TENT5D: variants seen among roughly 807,000 people sequenced by gnomAD.
TENT5D encodes the protein cancer/testis antigen 112.
For missense variants in TENT5D, 191 were observed against 287.0 expected, an observed-to-expected ratio of 0.67 and a Z score of 2.42; for synonymous variants, 103 against 100.6, an observed-to-expected ratio of 1.02 and a Z score of -0.15.
At chrX:80,406,340 T>G (rs1437883452) in intron 3 of TENT5D, among the ~76,000 whole-genome samples, 1 of 106,876 alleles carries the variant, frequency 9.4e-6, no homozygotes, top group Non-Finnish European at 1.9e-5. Context: ...GCAAAGAAGT[T>G]GAAAACTTTG....
intron 3 of TENT5D, among the ~76,000 whole-genome samples, chrX:80,412,418 G>A (rs1931689793): frequency 8.9e-6 from 1 of 112,525 alleles, no homozygotes; most frequent in Admixed American, 9.4e-5. Context: ...TTCTGCAGCC[G>A]GCCTGAATTT....
intron 3 of TENT5D, among the ~76,000 whole-genome samples, chrX:80,357,893 C>T (rs996895479): frequency 2.7e-5 from 3 of 111,695 alleles, no homozygotes; most frequent in East Asian, 5.6e-4. Context: ...CTGGAGGCAT[C>T]ACGCTACCTG....
intron 3 of TENT5D, among the ~76,000 whole-genome samples, chrX:80,404,244 AAAG>A (rs1163220382): frequency 8.9e-6 from 1 of 112,268 alleles, no homozygotes; most frequent in African/African-American, 3.2e-5. Context: ...GATTTCAAAA[AAAG>A]ACAGAAACCT....
At position 80,396,071 on chromosome X, in the gene TENT5D, C is replaced by T. The variant is rs1931234156; in HGVS notation, c.-141-42539C>T. The stretch of plus-strand genomic sequence containing the variant: ...AATAGCATTCCATTGAGTATATATA[C>T]CACACTTTCTTTATTCATCAGTTAT... On this transcript the variant is annotated intron_variant, in intron 3 of 4. Transcript: ENST00000538312. Among the ~76,000 whole-genome samples, 3 of 109,427 alleles carry T rather than the reference C, an allele frequency of 2.7e-5. No individual in the cohort carries two copies. The South Asian group carries it at 1.2e-3, about 44-fold the overall frequency.
upstream of TENT5D, among the ~76,000 whole-genome samples, chrX:80,416,671 A>G (rs1931785438): frequency 9.3e-6 from 1 of 107,833 alleles, no homozygotes; most frequent in Non-Finnish European, 1.9e-5. Context: ...GTTGGTATGA[A>G]TTTTTCTTTC....
At chrX:80,407,204 A>C (rs1185766341) in intron 3 of TENT5D, among the ~76,000 whole-genome samples, 2 of 109,624 alleles carry the variant, frequency 1.8e-5, no homozygotes, top group Admixed American at 1.9e-4. Context: ...AACGAGCAAA[A>C]TAACCAGCTA....
intron 1 of TENT5D, among the ~76,000 whole-genome samples, chrX:80,421,260 A>C (rs1205531854): frequency 9.0e-6 from 1 of 111,571 alleles, no homozygotes; most frequent in Non-Finnish European, 1.9e-5. Context: ...ATCTCGGCTC[A>C]CTGCAATCTC....
intron 3 of TENT5D, among the ~76,000 whole-genome samples, chrX:80,400,972 T>C (rs1332516539): frequency 8.9e-6 from 1 of 111,975 alleles, no homozygotes; most frequent in Non-Finnish European, 1.9e-5. Context: ...GGACTTTTTA[T>C]AGTGATTGCA....
intron 3 of TENT5D, among the ~76,000 whole-genome samples, chrX:80,404,940 G>A (rs959417345): frequency 8.9e-6 from 1 of 111,895 alleles, no homozygotes; most frequent in African/African-American, 3.2e-5. Context: ...ACATAAATCT[G>A]TTAGGCCAGG....
chrX:80,408,676 G>A (rs1315380930), intron 3 of TENT5D, among the ~76,000 whole-genome samples: 1 of 111,034 alleles, frequency 9.0e-6, no homozygotes, highest in African/African-American at 3.3e-5. Context: ...GGTAGAAGGA[G>A]GAACTGGTAC....
intron 3 of TENT5D, among the ~76,000 whole-genome samples, chrX:80,376,704 T>A (rs2147528959): frequency 9.0e-6 from 1 of 111,675 alleles, no homozygotes; most frequent in Admixed American, 9.6e-5. Context: ...TAAAATTTAA[T>A]CTTATATTCT....
At chrX:80,381,485 T>A (rs1470765027) in intron 3 of TENT5D, among the ~76,000 whole-genome samples, 1 of 111,645 alleles carries the variant, frequency 9.0e-6, no homozygotes, top group Non-Finnish European at 1.9e-5. Flanking sequence ...CTGTATTTCC[T>A]GAATTTGAAT....
chrX:80,360,915 T>TAA (rs1930396010), intron 3 of TENT5D, among the ~76,000 whole-genome samples: 1 of 112,062 alleles, frequency 8.9e-6, no homozygotes, highest in African/African-American at 3.2e-5. Context: ...ACATGGTAGC[T>TAA]CTTAAAGATC....
At chrX:80,443,889 C>A in exon 3 of TENT5D, 1 of 420,290 alleles carries the variant, frequency 2.4e-6, no homozygotes, top group Non-Finnish European at 4.1e-6. Flanking sequence ...ATAGTAAATA[C>A]AATATCTATA....
chrX:80,432,865 A>T (rs1189272472), intron 1 of TENT5D, among the ~76,000 whole-genome samples: 1 of 110,816 alleles, frequency 9.0e-6, no homozygotes, highest in African/African-American at 3.3e-5. Context: ...CTGGGAAGGG[A>T]AGGACTATGC....
At chrX:80,353,445 C>T (rs1602501188) in intron 3 of TENT5D, among the ~76,000 whole-genome samples, 1 of 111,340 alleles carries the variant, frequency 9.0e-6, no homozygotes, top group East Asian at 2.8e-4. Flanking sequence ...CCTCTACCTT[C>T]ATCTAGGCCC....
intron 1 of TENT5D, among the ~76,000 whole-genome samples, chrX:80,434,723 G>T (rs913224803): frequency 3.6e-5 from 4 of 109,871 alleles, no homozygotes; most frequent in Non-Finnish European, 5.7e-5. Flanking sequence ...ATTTGAAAAT[G>T]ACTAATACTA....
intron 3 of TENT5D, among the ~76,000 whole-genome samples, chrX:80,380,697 C>T (rs958332760): frequency 8.1e-5 from 9 of 111,547 alleles, no homozygotes; most frequent in Non-Finnish European, 1.5e-4. Context: ...GAATAGATCC[C>T]TTTACCATTA....
chrX:80,354,179 T>A (rs768482852), intron 3 of TENT5D, among the ~76,000 whole-genome samples: 1 of 111,757 alleles, frequency 8.9e-6, no homozygotes, highest in African/African-American at 3.2e-5. Context: ...AATGACTATG[T>A]GTCTTGGGGA....
Sources: allele counts gnomAD v4.1 joint callset (sites outside exome capture counted in the v4.1 genomes callset), GRCh38; gene constraint gnomAD v4.1.1; transcripts MANE v1.5; gene names NCBI Gene and HGNC (gene_info 2026-07-23, HGNC 2026-07-21).